Variants in PRIM2 observed in about 807,000 individuals in gnomAD.
PRIM2 encodes DNA primase large subunit.
In PRIM2, 39 loss-of-function variants were observed where a neutral mutation model predicts 67.3. The observed-to-expected ratio is 0.58, with a 90% CI of 0.45 to 0.76. The LOEUF (loss-of-function observed/expected upper bound fraction) is 0.76. Ranked by LOEUF, PRIM2 falls within the 30% of genes least tolerant of loss-of-function variation. The pLI is 0.00. For missense variants in PRIM2, 398 were observed against 598.7 expected (o/e 0.66, Z 3.50); for synonymous variants, 143 against 198.7 (o/e 0.72, Z 2.36).
chr6:57,300,020 C>A, the PRIM2 span, among the ~76,000 whole-genome samples: 3 of 152,190 alleles, frequency 2.0e-5, no homozygotes, highest in Non-Finnish European at 2.9e-5. Flanking sequence ...GGAGCAGACA[C>A]CCTCCCATGG....
the PRIM2 span, among the ~76,000 whole-genome samples, chr6:57,223,973 T>C: frequency 3.3e-5 from 5 of 152,274 alleles, no homozygotes; most frequent in East Asian, 9.6e-4. Flanking sequence ...CTTCTGAGTA[T>C]ATATTCAAAA....
chr6:57,537,354 A>T (rs1245688284), intron 9 of PRIM2, 86 bp from the exon 10 acceptor site: 5 of 657,002 alleles, frequency 7.6e-6, no homozygotes, highest in Non-Finnish European at 1.2e-5. Flanking sequence ...ATTCCAATTA[A>T]ATTGAATTAG....
intron 9 of PRIM2, among the ~76,000 whole-genome samples, chr6:57,534,999 A>G (rs1774974844): frequency 6.6e-6 from 1 of 152,146 alleles, no homozygotes; most frequent in African/African-American, 2.4e-5. Context: ...GTCTGTATTC[A>G]TTGTCCGTCT....
At chr6:57,568,259 C>T (rs1185239597) in intron 10 of PRIM2, among the ~76,000 whole-genome samples, 59,026 of 151,932 alleles carry the variant, frequency 0.39, 11,722 homozygotes, top group East Asian at 0.65. Flanking sequence ...TTTTCCGTGA[C>T]CAATAATGTC....
At chr6:57,472,090 A>AT (rs1212348505) in intron 7 of PRIM2, among the ~76,000 whole-genome samples, 1 of 152,066 alleles carries the variant, frequency 6.6e-6, no homozygotes. Flanking sequence ...TATTTAGATG[A>AT]TTTTTGATGT....
At chr6:57,469,975 A>G (rs1336960325) in intron 7 of PRIM2, among the ~76,000 whole-genome samples, 3 of 151,908 alleles carry the variant, frequency 2.0e-5, no homozygotes, top group Non-Finnish European at 4.4e-5. Flanking sequence ...TTAGAGCTTT[A>G]TCTCCAATTT....
At chr6:57,261,330 G>C in the PRIM2 span, among the ~76,000 whole-genome samples, 7,462 of 152,194 alleles carry the variant, frequency 0.049, 229 homozygotes, top group Non-Finnish European at 0.072. Context: ...AGCTCTTGGA[G>C]CAAGAGCTGG....
rs1480948635 is a variant in PRIM2, at chr6:57,549,760, G to A, written c.1020+12135G>A. 5.3e-3 allele frequency among the ~76,000 whole-genome samples: 813 copies of A among 152,182 alleles called. 8 individuals carry two copies. Among genetic ancestry groups the A allele is most frequent in the East Asian group, 0.019 (98 of 5,180 alleles). ...AAAAGCTTGTTTTGTTTGAATGTTC[G>A]TGTTAGTGAGATCCTAGGAAAGTAA... On this transcript the variant is annotated intron_variant, in intron 10 of 13. Transcript: ENST00000615550.
At chr6:57,385,936 CT>C (rs201876520) in intron 7 of PRIM2, among the ~76,000 whole-genome samples, 6,360 of 140,998 alleles carry the variant, frequency 0.045, 363 homozygotes, top group African/African-American at 0.14. Flanking sequence ...CTTTTGTTTT[CT>C]TTTTTTTTTT....
chr6:57,449,910 A>C (rs1269969169), intron 7 of PRIM2, among the ~76,000 whole-genome samples: 1 of 152,190 alleles, frequency 6.6e-6, no homozygotes, highest in African/African-American at 2.4e-5. Flanking sequence ...TTAGTGCTTG[A>C]ATAGTAAAAT....
chr6:57,463,842 C>T (rs973643340), intron 7 of PRIM2, among the ~76,000 whole-genome samples: 1 of 152,158 alleles, frequency 6.6e-6, no homozygotes, highest in South Asian at 2.1e-4. Flanking sequence ...GGCCTACTCA[C>T]TGGTCTTGAA....
chr6:57,607,436 G>T (rs1301836443), intron 12 of PRIM2, among the ~76,000 whole-genome samples: 1 of 152,134 alleles, frequency 6.6e-6, no homozygotes, highest in Non-Finnish European at 1.5e-5. Context: ...TTCTGATGAG[G>T]GAAAGACTAT....
intron 1 of PRIM2, among the ~76,000 whole-genome samples, chr6:57,318,029 C>A (rs1767533795): frequency 6.6e-6 from 1 of 152,108 alleles, no homozygotes; most frequent in African/African-American, 2.4e-5. Flanking sequence ...TCAAGTAAGA[C>A]CCTCATTTAG....
the PRIM2 span, among the ~76,000 whole-genome samples, chr6:57,243,485 T>G: frequency 1.3e-5 from 2 of 152,192 alleles, no homozygotes; most frequent in African/African-American, 4.8e-5. Context: ...ATTTATTTAT[T>G]TGAGATGGAG....
intron 7 of PRIM2, among the ~76,000 whole-genome samples, chr6:57,444,973 A>G (rs1422043073): frequency 6.6e-6 from 1 of 151,354 alleles, no homozygotes; most frequent in Non-Finnish European, 1.5e-5. Flanking sequence ...ATTAAGAAAA[A>G]TTATTTGCTG....
At chr6:57,312,009 AAGGGGAGAGGGGAG>A, upstream of PRIM2, among the ~76,000 whole-genome samples, 1 of 90,046 alleles carries the variant, frequency 1.1e-5, no homozygotes, top group Non-Finnish European at 2.1e-5. Flanking sequence ...AGACCGTAGA[AAGGGGAGAGGGGAG>A]AGGGGAGACG....
At chr6:57,460,132 G>A (rs72875425) in intron 7 of PRIM2, among the ~76,000 whole-genome samples, 85 of 151,828 alleles carry the variant, frequency 5.6e-4, no homozygotes, top group East Asian at 9.7e-4. Flanking sequence ...TTTTTGTTGC[G>A]GTCTCCATAC....
chr6:57,322,139 G>A (rs1741911), intron 3 of PRIM2, among the ~76,000 whole-genome samples: 26,702 of 151,936 alleles, frequency 0.18, 2,519 homozygotes, highest in African/African-American at 0.19. Flanking sequence ...CAGAATATAG[G>A]GGTTGTTTTA....
the PRIM2 span, among the ~76,000 whole-genome samples, chr6:57,261,763 C>G: frequency 1.3e-5 from 2 of 152,178 alleles, no homozygotes; most frequent in Non-Finnish European, 2.9e-5. Flanking sequence ...CCATTCCCTC[C>G]CTGCTTTGGA....
Sources: allele counts gnomAD v4.1 joint callset (sites outside exome capture counted in the v4.1 genomes callset), GRCh38; gene constraint gnomAD v4.1.1; transcripts MANE v1.5; gene names NCBI Gene and HGNC (gene_info 2026-07-23, HGNC 2026-07-21).